The following HECW2 variants were observed in gnomAD, a reference collection of about 807,000 sequenced individuals.
The protein encoded by HECW2 is E3 ubiquitin-protein ligase HECW2.
Under a neutral mutation model 175.2 loss-of-function variants are expected in HECW2, and 61 were observed. The ratio of observed to expected loss-of-function variants is 0.35; its 90% CI spans 0.28 to 0.43. The LOEUF is 0.43. Among genes scored for constraint, HECW2 ranks in the 20% least tolerant of loss-of-function variants. The pLI is 1.00. For synonymous variants in HECW2, 671 were observed against 731.0 expected (o/e 0.92, Z 1.32); for missense variants, 1,524 against 2,000.5 (o/e 0.76, Z 4.54).
At chr2:196,388,274 A>G (rs1334669157) in intron 2 of HECW2, among the ~76,000 whole-genome samples, 1 of 152,218 alleles carries the variant, frequency 6.6e-6, no homozygotes, top group Admixed American at 6.5e-5. Context: ...AGTATGGATG[A>G]TACAGTGAGA....
chr2:196,458,198 A>T (rs1469786577), intron 1 of HECW2, among the ~76,000 whole-genome samples: 2 of 152,154 alleles, frequency 1.3e-5, no homozygotes, highest in African/African-American at 4.8e-5. Flanking sequence ...TGAGCCCAGG[A>T]GGTCAAGGCT....
intron 2 of HECW2, among the ~76,000 whole-genome samples, chr2:196,401,563 A>G (rs908976418): frequency 3.9e-5 from 6 of 152,192 alleles, no homozygotes; most frequent in African/African-American, 1.4e-4. Context: ...CGCTACCTCA[A>G]AAAATATGGA....
At chr2:196,529,529 G>C (rs545704628) in intron 1 of HECW2, among the ~76,000 whole-genome samples, 2 of 152,034 alleles carry the variant, frequency 1.3e-5, no homozygotes, top group Non-Finnish European at 2.9e-5. Flanking sequence ...TGGCTATAAG[G>C]ATTTAAAAAA....
At chr2:196,510,898 G>A (rs1318030178) in intron 1 of HECW2, among the ~76,000 whole-genome samples, 1 of 152,102 alleles carries the variant, frequency 6.6e-6, no homozygotes, top group Non-Finnish European at 1.5e-5. Flanking sequence ...CCATTCTCTT[G>A]AAAAATCTCT....
chr2:196,411,065 C>T (rs1320058039), intron 2 of HECW2, among the ~76,000 whole-genome samples: 1 of 152,208 alleles, frequency 6.6e-6, no homozygotes, highest in East Asian at 1.9e-4. Flanking sequence ...ATGGTGTGAC[C>T]ATAGTTCATT....
At chr2:196,587,823 C>T (rs2125536876) in intron 1 of HECW2, among the ~76,000 whole-genome samples, 1 of 152,202 alleles carries the variant, frequency 6.6e-6, no homozygotes, top group South Asian at 2.1e-4. Context: ...AATTAAATGG[C>T]CTATCTCAAG....
intron 17 of HECW2, among the ~76,000 whole-genome samples, chr2:196,262,339 C>G (rs1689328835): frequency 1.3e-5 from 2 of 151,850 alleles, no homozygotes; most frequent in South Asian, 4.2e-4. Context: ...CTGGCTTCTT[C>G]TTAACAAAGA....
chr2:196,528,587 C>T (rs115861806), intron 1 of HECW2, among the ~76,000 whole-genome samples: 180 of 152,284 alleles, frequency 1.2e-3, no homozygotes, highest in African/African-American at 4.2e-3. Flanking sequence ...GAACAGGATG[C>T]TCCTTCAAAA....
At chr2:196,284,100 T>G (rs1429070058) in intron 14 of HECW2, among the ~76,000 whole-genome samples, 1 of 152,186 alleles carries the variant, frequency 6.6e-6, no homozygotes, top group Admixed American at 6.5e-5. Flanking sequence ...TATATCATAC[T>G]TTATTTTAGG....
intron 2 of HECW2, among the ~76,000 whole-genome samples, chr2:196,412,136 G>A (rs1695129305): frequency 6.6e-6 from 1 of 152,214 alleles, no homozygotes; most frequent in Admixed American, 6.5e-5. Context: ...TGCTAGGGCT[G>A]CCGTGATAAA....
At chr2:196,523,375 GC>G (rs1688494362) in intron 1 of HECW2, among the ~76,000 whole-genome samples, 1 of 151,970 alleles carries the variant, frequency 6.6e-6, no homozygotes, top group Non-Finnish European at 1.5e-5. Context: ...GAGATTTTGG[GC>G]TGAGACAATG....
rs546062099 is a variant in HECW2, at chr2:196,234,909, T to C, written c.3764+5540A>G. Among the ~76,000 whole-genome samples the C allele has an allele frequency of 4.6e-5, 7 of 152,228 alleles. No homozygotes were observed. In the South Asian group the frequency reaches 1.5e-3, roughly 32 times the overall value. ...TGCAAAGGCAGATAACCAGATTAAG[T>C]TGTGTGGAAATTTTCATGACTAAAG... On this transcript the variant is annotated intron_variant, in intron 21 of 28. Transcript: ENST00000644978.
rs746062310 is a variant in HECW2 at position 196,322,538 on chromosome 2, T to C, written c.824A>G (p.Lys275Arg). 4.3e-6 allele frequency: 7 copies of C among 1,613,958 alleles called. No homozygotes were observed. In the South Asian group the frequency reaches 5.5e-5, roughly 13 times the overall value. ...AATGGTTAGTTTCCCCAGAAAACGC[T>C]TGATGATGGGACGGCTCTTGGCAAA... ...DKFAKSRPII[K>R]RFLGKLTIPV... The change falls in exon 7 of 29, where the codon AAG becomes AGG. Residue 275 changes from lysine (K) to arginine (R), a missense_variant. By Grantham distance (26) the Lys-to-Arg change is conservative. Transcript: ENST00000644978.
intron 2 of HECW2, among the ~76,000 whole-genome samples, chr2:196,389,500 C>T (rs1271900387): frequency 2.6e-5 from 4 of 152,132 alleles, no homozygotes; most frequent in Admixed American, 6.6e-5. Flanking sequence ...CCTTCTACGG[C>T]GTCCTAAACT....
intron 2 of HECW2, among the ~76,000 whole-genome samples, chr2:196,358,224 CAT>C (rs1314311551): frequency 2.6e-5 from 4 of 152,090 alleles, no homozygotes; most frequent in African/African-American, 9.7e-5. Context: ...GTGAGGAGTA[CAT>C]GAGTATAGTA....
intron 13 of HECW2, among the ~76,000 whole-genome samples, chr2:196,293,034 G>A (rs781444587): frequency 7.9e-5 from 12 of 152,142 alleles, no homozygotes; most frequent in Non-Finnish European, 1.5e-4. Flanking sequence ...TGTGCAAGAA[G>A]AGCACGTTTG....
chr2:196,306,792 A>C (rs947554563), intron 12 of HECW2, among the ~76,000 whole-genome samples, 180 bp from the exon 13 acceptor site: 7 of 152,136 alleles, frequency 4.6e-5, no homozygotes, highest in South Asian at 2.1e-4. Flanking sequence ...GCTGTTCTTA[A>C]TTACACTAAA....
rs146864116 is a variant in HECW2, at chr2:196,301,207, G to A, written c.2814+5281C>T. Among the ~76,000 whole-genome samples, 9 of 152,204 alleles carry A rather than the reference G, an allele frequency of 5.9e-5. 1 individual carries two copies. In the East Asian group the frequency reaches 1.4e-3, roughly 23 times the overall value. ...CCATGCCTCTGGAAAGGACATGATT[G>A]CATTCCTTTTTATGACTGCACAGTA... On this transcript the variant is annotated intron_variant, in intron 13 of 28. Transcript: ENST00000644978.
In HECW2 at chr2:196,557,006, T is replaced by C. The variant is rs184308697; in HGVS notation, c.-36+36502A>G. On this transcript the variant is annotated intron_variant, in intron 1 of 28. Coordinates refer to ENST00000644978, the MANE Select transcript of HECW2 (RefSeq NM_001348768.2). ...AGATAAGCAAACTCATATAGAATAA[T>C]AGAGTTTCTGAACATAAAAAGTTCA... Among the ~76,000 whole-genome samples the C allele has an allele frequency of 1.1e-4, 17 of 152,304 alleles. No homozygotes were observed. In the East Asian group the frequency reaches 1.2e-3, roughly 10 times the overall value.
Sources: allele counts gnomAD v4.1 joint callset (sites outside exome capture counted in the v4.1 genomes callset), GRCh38; gene constraint gnomAD v4.1.1; transcripts MANE v1.5; gene names NCBI Gene and HGNC (gene_info 2026-07-23, HGNC 2026-07-21).